CCDC3: variants seen among roughly 807,000 people sequenced by gnomAD.
CCDC3 encodes the protein coiled-coil domain containing 3.
A neutral mutation model predicts 21.4 loss-of-function variants in CCDC3; 24 were observed. That is an observed-to-expected ratio of 1.12 (90% confidence interval 0.81 to 1.58). The LOEUF (loss-of-function observed/expected upper bound fraction) is 1.58, where lower values mean the gene tolerates loss of function less well. CCDC3 is among the 40% of genes most tolerant of loss of function. The pLI is 0.00. For missense variants in CCDC3, 425 were observed against 360.9 expected, an observed-to-expected ratio of 1.18 and a Z score of -1.44; for synonymous variants, 186 against 166.0, an observed-to-expected ratio of 1.12 and a Z score of -0.93.
At chr10:13,036,984 T>C (rs1317553426) in intron 5 of CCDC3, among the ~76,000 whole-genome samples, 1 of 151,698 alleles carries the variant, frequency 6.6e-6, no homozygotes, top group Non-Finnish European at 1.5e-5. Context: ...AGGGTCTCAC[T>C]GTGTTGCCTA....
chr10:13,009,714 G>A (rs1365403336), intron 5 of CCDC3, among the ~76,000 whole-genome samples: 2 of 152,180 alleles, frequency 1.3e-5, no homozygotes, highest in Non-Finnish European at 2.9e-5. Context: ...TAGAACAATT[G>A]AGGGAAAAAT....
At chr10:13,086,057 C>T (rs1355772481) in intron 3 of CCDC3, among the ~76,000 whole-genome samples, 9 of 151,582 alleles carry the variant, frequency 5.9e-5, no homozygotes, top group African/African-American at 2.2e-4. Context: ...AAAAAGTGGT[C>T]ATAAAGGGAA....
At chr10:12,977,643 C>T (rs555901575) in intron 2 of CCDC3, among the ~76,000 whole-genome samples, 2 of 152,286 alleles carry the variant, frequency 1.3e-5, no homozygotes, top group African/African-American at 4.8e-5. Context: ...TTAATTACTG[C>T]TTCTTACAAC....
At chr10:12,955,555 A>T (rs1031201244) in intron 2 of CCDC3, among the ~76,000 whole-genome samples, 3 of 151,160 alleles carry the variant, frequency 2.0e-5, no homozygotes, top group African/African-American at 7.3e-5. Context: ...GTAACTTCAT[A>T]TTTTTTTTTC....
intron 3 of CCDC3, among the ~76,000 whole-genome samples, chr10:13,098,211 G>A (rs997215237): frequency 4.6e-5 from 7 of 152,040 alleles, no homozygotes; most frequent in Non-Finnish European, 1.0e-4. Flanking sequence ...CTCACCTCGA[G>A]CCTCCCACAC....
chr10:12,928,194 C>T (rs901938785), intron 2 of CCDC3, among the ~76,000 whole-genome samples: 1 of 152,178 alleles, frequency 6.6e-6, no homozygotes, highest in African/African-American at 2.4e-5. Context: ...TGAGGTTAGT[C>T]AGCCAGTACT....
intron 2 of CCDC3, among the ~76,000 whole-genome samples, chr10:12,902,272 G>C (rs573503678): frequency 2.6e-5 from 4 of 152,294 alleles, no homozygotes; most frequent in African/African-American, 9.6e-5. Context: ...TGCTGTTACA[G>C]GGGAGACCAT....
In CCDC3 at chr10:12,927,187, G is replaced by T. The variant is rs544876609; in HGVS notation, c.550-28508C>A. 2.6e-5 allele frequency among the ~76,000 whole-genome samples: 4 copies of T among 152,294 alleles called. No individual in the cohort carries two copies. In the South Asian group the frequency reaches 8.3e-4, roughly 32 times the overall value. ...GATGAGTATAGTGAGCCTCCATGTA[G>T]CCTCACCACTACTACAAGAATTCTA... On this transcript the variant is annotated intron_variant, in intron 2 of 2. Coordinates refer to ENST00000378825, the MANE Select transcript of CCDC3 (RefSeq NM_031455.4).
chr10:12,916,928 G>T (rs185161485), intron 2 of CCDC3, among the ~76,000 whole-genome samples: 96 of 152,272 alleles, frequency 6.3e-4, no homozygotes, highest in African/African-American at 2.0e-3. Flanking sequence ...GGTTGGGCCC[G>T]GAGACCAAGT....
intron 3 of CCDC3, among the ~76,000 whole-genome samples, chr10:13,093,012 T>C (rs1487610914): frequency 1.3e-5 from 2 of 148,734 alleles, no homozygotes; most frequent in Admixed American, 6.9e-5. Context: ...GAAAGTCATG[T>C]ATGAACCCCT....
intron 4 of CCDC3, among the ~76,000 whole-genome samples, chr10:13,055,091 A>T (rs11258159): frequency 0.24 from 36,495 of 152,124 alleles, 4,517 homozygotes; most frequent in Admixed American, 0.27. Context: ...TGGGGCCCAA[A>T]CATCATGAAG....
At chr10:12,993,807 C>A (rs1163841862) in intron 2 of CCDC3, among the ~76,000 whole-genome samples, 3 of 152,150 alleles carry the variant, frequency 2.0e-5, no homozygotes, top group South Asian at 2.1e-4. Context: ...TTGCTATTTA[C>A]TAATGCGTGG....
rs116592943 is a variant in CCDC3 at position 13,015,584 on chromosome 10, G to T, written c.-1-17072C>A. 8.1e-4 allele frequency among the ~76,000 whole-genome samples: 123 copies of T among 152,164 alleles called. 1 individual carries two copies. The highest frequency in any genetic ancestry group is 2.9e-3 in the African/African-American group (121 of 41,534). ...GACCCCCAATTTATAGAGAAGGAAAGGGGGTACATAGCTGGCAAAGAATAA... is the reference window on the plus strand; with the variant it reads ...GACCCCCAATTTATAGAGAAGGAAATGGGGTACATAGCTGGCAAAGAATAA... On this transcript the variant is annotated intron_variant, in intron 5 of 6. Transcript: ENST00000378839.
intron 2 of CCDC3, among the ~76,000 whole-genome samples, chr10:12,914,340 G>T (rs536510041): frequency 6.6e-6 from 1 of 152,156 alleles, no homozygotes; most frequent in African/African-American, 2.4e-5. Flanking sequence ...TCCATTTCTT[G>T]TAAGTTATCT....
chr10:13,080,046 C>G (rs1181715360), intron 3 of CCDC3, among the ~76,000 whole-genome samples: 3 of 152,256 alleles, frequency 2.0e-5, no homozygotes, highest in African/African-American at 7.2e-5. Flanking sequence ...AGGGGGCCCT[C>G]TGGCCCAGGG....
At chr10:13,046,324 T>C (rs533246557) in intron 5 of CCDC3, among the ~76,000 whole-genome samples, 41 of 151,872 alleles carry the variant, frequency 2.7e-4, no homozygotes, top group African/African-American at 8.0e-4. Flanking sequence ...GAGCATCCCT[T>C]GAGCCCAGGA....
At chr10:12,900,334 C>T (rs1834072838) in intron 2 of CCDC3, among the ~76,000 whole-genome samples, 1 of 152,008 alleles carries the variant, frequency 6.6e-6, no homozygotes, top group Non-Finnish European at 1.5e-5. Context: ...TCAGAAGCTA[C>T]ATTCCCAAAG....
At chr10:13,069,179 C>T (rs11258169) in intron 4 of CCDC3, among the ~76,000 whole-genome samples, 29,993 of 152,192 alleles carry the variant, frequency 0.2, 3,788 homozygotes, top group East Asian at 0.37. Context: ...CACTTGAACC[C>T]GGGAGGCAGA....
intron 5 of CCDC3, among the ~76,000 whole-genome samples, chr10:13,016,002 A>G (rs1242593060): frequency 6.6e-6 from 1 of 152,070 alleles, no homozygotes; most frequent in Non-Finnish European, 1.5e-5. Flanking sequence ...AATACCCTAT[A>G]TATCCTGATG....
Sources: allele counts gnomAD v4.1 joint callset (sites outside exome capture counted in the v4.1 genomes callset), GRCh38; gene constraint gnomAD v4.1.1; transcripts MANE v1.5; gene names NCBI Gene and HGNC (gene_info 2026-07-23, HGNC 2026-07-21).